Variants in TENM3 observed in about 807,000 individuals in gnomAD.
The protein encoded by TENM3 is teneurin-3.
Under a neutral mutation model 255.1 loss-of-function variants are expected in TENM3, and 63 were observed. That is an observed-to-expected ratio of 0.25 (90% confidence interval 0.20 to 0.30). The LOEUF (loss-of-function observed/expected upper bound fraction) is 0.30, where lower values mean the gene tolerates loss of function less well. Ranked by LOEUF, TENM3 falls within the 10% of genes least tolerant of loss-of-function variation. The pLI is 1.00. For synonymous variants in TENM3, 1,306 were observed against 1,322.3 expected, an observed-to-expected ratio of 0.99 and a Z score of 0.27; for missense variants, 2,929 against 3,461.1, an observed-to-expected ratio of 0.85 and a Z score of 3.86.
At chr4:182,415,036 T>C (rs1009596991) in intron 3 of TENM3, among the ~76,000 whole-genome samples, 1 of 152,262 alleles carries the variant, frequency 6.6e-6, no homozygotes, top group Admixed American at 6.5e-5. Context: ...ATTTTCCACC[T>C]TGAACACTAA....
the TENM3 span, among the ~76,000 whole-genome samples, chr4:181,641,263 G>A: frequency 6.6e-6 from 1 of 151,566 alleles, no homozygotes; most frequent in African/African-American, 2.4e-5. Context: ...GTATACATGT[G>A]CCATGGTGTT....
chr4:181,477,509 A>G, the TENM3 span, among the ~76,000 whole-genome samples: 1 of 152,160 alleles, frequency 6.6e-6, no homozygotes, highest in Non-Finnish European at 1.5e-5. Flanking sequence ...TTTATTAGAA[A>G]TATGTAAAGG....
the TENM3 span, among the ~76,000 whole-genome samples, chr4:182,045,265 A>G: frequency 6.6e-6 from 1 of 152,202 alleles, no homozygotes; most frequent in Non-Finnish European, 1.5e-5. Context: ...GATTTCAGAG[A>G]ATCCTGAGGA....
intron 1 of TENM3, among the ~76,000 whole-genome samples, chr4:182,261,939 T>C (rs1410529734): frequency 2.0e-5 from 3 of 152,138 alleles, no homozygotes; most frequent in African/African-American, 7.2e-5. Flanking sequence ...ACATCCACAG[T>C]TGATTTTGAG....
chr4:181,650,429 C>T, the TENM3 span, among the ~76,000 whole-genome samples: 1 of 152,156 alleles, frequency 6.6e-6, no homozygotes, highest in Non-Finnish European at 1.5e-5. Context: ...GCTTGTTAGA[C>T]CTTTTCCACT....
At chr4:181,678,431 C>T in the TENM3 span, among the ~76,000 whole-genome samples, 1 of 151,844 alleles carries the variant, frequency 6.6e-6, no homozygotes, top group Non-Finnish European at 1.5e-5. Flanking sequence ...AGGGAGGCAA[C>T]GGGGAAGGCA....
the TENM3 span, among the ~76,000 whole-genome samples, chr4:181,495,713 A>G: frequency 1.2e-4 from 18 of 152,046 alleles, no homozygotes; most frequent in African/African-American, 4.3e-4. Flanking sequence ...GTGCAGGTGA[A>G]ATGAATCTGT....
chr4:182,366,474 T>C (rs1239674257), intron 3 of TENM3, among the ~76,000 whole-genome samples: 1 of 152,060 alleles, frequency 6.6e-6, no homozygotes, highest in Non-Finnish European at 1.5e-5. Context: ...ATGTAATAGT[T>C]GAAGTAGGAA....
the TENM3 span, among the ~76,000 whole-genome samples, chr4:181,781,435 A>G: frequency 0.046 from 7,009 of 152,222 alleles, 295 homozygotes; most frequent in African/African-American, 0.1. Context: ...TTATTGGTGT[A>G]TAAGAATGCT....
At chr4:182,451,718 A>AT (rs1357063682) in intron 3 of TENM3, among the ~76,000 whole-genome samples, 2 of 152,222 alleles carry the variant, frequency 1.3e-5, no homozygotes, top group Non-Finnish European at 2.9e-5. Flanking sequence ...TCTAAGCTGT[A>AT]TTCTTGCATT....
At chr4:182,123,783 C>T in the TENM3 span, among the ~76,000 whole-genome samples, 3 of 152,098 alleles carry the variant, frequency 2.0e-5, no homozygotes, top group African/African-American at 4.8e-5. Context: ...TAGACTTACT[C>T]GACTCAGGGT....
At chr4:181,633,009 C>A in the TENM3 span, among the ~76,000 whole-genome samples, 2,422 of 152,288 alleles carry the variant, frequency 0.016, 33 homozygotes, top group East Asian at 0.038. Flanking sequence ...TTCTCCATGA[C>A]AAACATGCTC....
the TENM3 span, among the ~76,000 whole-genome samples, chr4:181,617,931 A>G: frequency 6.6e-6 from 1 of 152,218 alleles, no homozygotes; most frequent in Admixed American, 6.5e-5. Context: ...TTCTGCAAAT[A>G]ATGCCAGCAG....
intron 1 of TENM3, among the ~76,000 whole-genome samples, chr4:182,221,400 A>G (rs1312990168): frequency 6.6e-6 from 1 of 152,202 alleles, no homozygotes; most frequent in Middle Eastern, 3.2e-3. Flanking sequence ...TGCTGTCCCA[A>G]AATGAAGAGA....
At chr4:181,537,122 T>TA in the TENM3 span, among the ~76,000 whole-genome samples, 305 of 151,058 alleles carry the variant, frequency 2.0e-3, no homozygotes, top group African/African-American at 6.5e-3. Context: ...CACCCTCCTT[T>TA]AAAAAAAAAG....
the TENM3 span, among the ~76,000 whole-genome samples, chr4:181,858,917 G>A: frequency 2.4e-4 from 37 of 152,146 alleles, no homozygotes; most frequent in South Asian, 7.5e-3. Context: ...GAAGGGTTTG[G>A]GGCAAGGGAG....
At position 182,755,251 on chromosome 4, in the gene TENM3, G is replaced by A. The variant is rs753440164; in HGVS notation, c.4884G>A (p.Thr1628=). The change falls in exon 22 of 28, where the codon ACG becomes ACA. Residue 1628 remains threonine, a synonymous_variant. Transcript: ENST00000511685. ...AAAGTGATGAAACTGGATGGACAAC[G>A]TTTTTTGAGTAAGTATATGAAAATT... ...ATKSDETGWT[T]FFDYDSEGRL... is the part of the protein sequence containing the mutation. The A allele has an allele frequency of 3.8e-6, 6 of 1,593,278 alleles. No homozygotes were observed. Among genetic ancestry groups the A allele is most frequent in the African/African-American group, 2.7e-5 (2 of 74,246 alleles).
chr4:182,370,579 T>C (rs920120872), intron 3 of TENM3, among the ~76,000 whole-genome samples: 7 of 152,228 alleles, frequency 4.6e-5, no homozygotes, highest in African/African-American at 1.7e-4. Context: ...CACATACTTT[T>C]CAAAGAGAAC....
At chr4:182,197,821 T>A (rs534903513) in intron 1 of TENM3, among the ~76,000 whole-genome samples, 1 of 152,298 alleles carries the variant, frequency 6.6e-6, no homozygotes, top group Admixed American at 6.5e-5. Context: ...AAAGATCTGG[T>A]GGGAAGGGCT....
Sources: allele counts gnomAD v4.1 joint callset (sites outside exome capture counted in the v4.1 genomes callset), GRCh38; gene constraint gnomAD v4.1.1; transcripts MANE v1.5; gene names NCBI Gene and HGNC (gene_info 2026-07-23, HGNC 2026-07-21).